Variants in CDC42BPA observed in about 807,000 individuals in gnomAD.
The protein encoded by CDC42BPA is serine/threonine-protein kinase MRCK alpha.
Under a neutral mutation model 223.5 loss-of-function variants are expected in CDC42BPA, and 80 were observed. The observed-to-expected ratio is 0.36, with a 90% CI of 0.30 to 0.43. CDC42BPA has a LOEUF of 0.43. Among genes scored for constraint, CDC42BPA ranks in the 20% least tolerant of loss-of-function variants. The pLI, the probability that CDC42BPA is intolerant of heterozygous loss-of-function variation, is 1.00. For synonymous variants in CDC42BPA, 694 were observed against 718.6 expected (o/e 0.97, Z 0.55); for missense variants, 1,743 against 2,099.9 (o/e 0.83, Z 3.32).
At chr1:227,027,941 C>A (rs1668572917) in intron 30 of CDC42BPA, among the ~76,000 whole-genome samples, 1 of 151,844 alleles carries the variant, frequency 6.6e-6, no homozygotes, top group Non-Finnish European at 1.5e-5. Context: ...ACTAATGAGA[C>A]CATCTCTACA....
intron 24 of CDC42BPA, among the ~76,000 whole-genome samples, chr1:227,039,853 T>C (rs956324495): frequency 4.0e-5 from 4 of 99,100 alleles, no homozygotes; most frequent in African/African-American, 1.2e-4. Context: ...AGGTTAAAAT[T>C]CAATGAATTT....
Position 227,034,718 on chromosome 1 carries a change from T to C in CDC42BPA, c.3413A>G (p.Tyr1138Cys), listed in dbSNP as rs780700909. ...AGATGCTTTTCCTTCAGCAATATCG[T>C]ACAGAAAGAGTTTGAAGTCACACAC... ...AIVCDFKLFL[Y>C]DIAEGKASQP... The change falls in exon 26 of 37, where the codon TAC becomes TGC. Residue 1138 changes from tyrosine (Y) to cysteine (C), a missense_variant. By Grantham distance (194) the Tyr-to-Cys change is radical (BLOSUM62 -2). Coordinates refer to ENST00000366766, the MANE Select transcript of CDC42BPA (RefSeq NM_001394014.1). The C allele has an allele frequency of 3.1e-6, 5 of 1,613,858 alleles. No homozygotes were observed. The highest frequency in any genetic ancestry group is 4.2e-6 in the Non-Finnish European group (5 of 1,179,808).
chr1:227,160,702 CT>C, intron 5 of CDC42BPA, 66 bp from the exon 6 acceptor site: 1 of 882,466 alleles, frequency 1.1e-6, no homozygotes, highest in Non-Finnish European at 1.8e-6. Flanking sequence ...GTAAGATATT[CT>C]TTTTGTCAGA....
At chr1:226,997,384 T>C (rs1387088343) in intron 35 of CDC42BPA, among the ~76,000 whole-genome samples, 1 of 152,184 alleles carries the variant, frequency 6.6e-6, no homozygotes, top group African/African-American at 2.4e-5. Context: ...ATTTTGTTAA[T>C]CTTTTCAAAA....
At chr1:227,034,915 AT>A (rs1354197490) in intron 25 of CDC42BPA, 121 bp from the exon 26 acceptor site, 1 of 845,878 alleles carries the variant, frequency 1.2e-6, no homozygotes, top group Non-Finnish European at 1.7e-6. Context: ...TAAGTCTGCC[AT>A]TCTGGTTGGT....
At chr1:227,310,433 T>C (rs1020601178) in intron 1 of CDC42BPA, among the ~76,000 whole-genome samples, 54 of 151,994 alleles carry the variant, frequency 3.6e-4, no homozygotes, top group African/African-American at 8.9e-4. Flanking sequence ...AACAGTGGGA[T>C]TGGAAAGGGG....
intron 22 of CDC42BPA, 44 bp from the exon 23 acceptor site, chr1:227,048,054 C>A: frequency 1.7e-6 from 2 of 1,143,178 alleles, no homozygotes; most frequent in South Asian, 1.5e-5. Flanking sequence ...ATGAAACACT[C>A]CATTAATTTC....
chr1:227,229,687 GT>G (rs1472428435), intron 2 of CDC42BPA, among the ~76,000 whole-genome samples: 6 of 152,116 alleles, frequency 3.9e-5, no homozygotes, highest in Non-Finnish European at 7.4e-5. Context: ...ATATCTTCTG[GT>G]TTTTGCCTTC....
At position 227,069,779 on chromosome 1, in the gene CDC42BPA, C is replaced by T. The variant is rs1467259218; in HGVS notation, c.2902G>A (p.Glu968Lys). The change falls in exon 21 of 37, where the codon GAA becomes AAA. Residue 968 changes from glutamate to lysine, a missense_variant and splice_region_variant. By Grantham distance (56) the Glu-to-Lys change is moderately conservative. This residue lies in a region of CDC42BPA where 678 missense variants were observed against 777.5 expected (regional missense o/e 0.87). Coordinates refer to ENST00000366766, the MANE Select transcript of CDC42BPA (RefSeq NM_001394014.1). ...NTPTDALDQF[E>K]TDPVENTYVW... ...TATGTGACATGTTTAATACTTACTT[C>T]AAATTGATCCAGAGCATCGGTAGGC... 1.0e-5 allele frequency: 16 copies of T among 1,603,474 alleles called. No individual in the cohort carries two copies. The highest frequency in any genetic ancestry group is 2.7e-5 in the African/African-American group (2 of 74,576).
At chr1:227,031,568 T>G in intron 27 of CDC42BPA, 54 bp from the exon 28 acceptor site, 1 of 1,402,842 alleles carries the variant, frequency 7.1e-7, no homozygotes, top group South Asian at 1.2e-5. Context: ...CCCTTTATGC[T>G]AGTTTCATGA....
chr1:227,027,925 T>C (rs1668569922), intron 30 of CDC42BPA, among the ~76,000 whole-genome samples: 1 of 152,084 alleles, frequency 6.6e-6, no homozygotes, highest in Non-Finnish European at 1.5e-5. Context: ...GAGACCAGCC[T>C]GAACAACTAA....
intron 1 of CDC42BPA, among the ~76,000 whole-genome samples, chr1:227,291,842 A>C (rs1166750388): frequency 7.0e-6 from 1 of 143,426 alleles, no homozygotes; most frequent in Non-Finnish European, 1.5e-5. Flanking sequence ...TCCAATACTG[A>C]AGTTAAGACA....
intron 1 of CDC42BPA, among the ~76,000 whole-genome samples, chr1:227,267,556 G>C (rs1188999843): frequency 6.6e-6 from 1 of 152,184 alleles, no homozygotes; most frequent in African/African-American, 2.4e-5. Context: ...CGATTTTCCA[G>C]TGTATTAGTC....
At chr1:227,295,846 A>T (rs1471125146) in intron 1 of CDC42BPA, among the ~76,000 whole-genome samples, 2 of 152,190 alleles carry the variant, frequency 1.3e-5, no homozygotes, top group Non-Finnish European at 2.9e-5. Flanking sequence ...CCTTCCTTTT[A>T]ATGAAGCTTC....
chr1:227,175,558 A>G (rs1666809431), intron 5 of CDC42BPA, among the ~76,000 whole-genome samples: 1 of 152,152 alleles, frequency 6.6e-6, no homozygotes, highest in South Asian at 2.1e-4. Context: ...TTCATCTCCA[A>G]GGCACTGAGG....
chr1:227,306,166 T>C (rs922628531), intron 1 of CDC42BPA, among the ~76,000 whole-genome samples: 1 of 145,832 alleles, frequency 6.9e-6, no homozygotes, highest in Non-Finnish European at 1.5e-5. Flanking sequence ...TGCTTCCTTC[T>C]ACAAAGGTCT....
chr1:227,247,154 C>T (rs1032774393), intron 2 of CDC42BPA, among the ~76,000 whole-genome samples: 37 of 151,896 alleles, frequency 2.4e-4, no homozygotes, highest in African/African-American at 8.0e-4. Context: ...GAGCCAAGAT[C>T]GTGTCACTGC....
chr1:227,255,709 C>T (rs1682927733), intron 1 of CDC42BPA, among the ~76,000 whole-genome samples: 1 of 152,000 alleles, frequency 6.6e-6, no homozygotes, highest in Non-Finnish European at 1.5e-5. Context: ...GCAACAGCAT[C>T]CAAAAGAATA....
chr1:227,199,568 C>A lies in CDC42BPA; in HGVS notation c.439G>T (p.Asp147Tyr). Residue 147 changes from aspartate (D) to tyrosine (Y), a missense_variant, in exon 4 of 37, where the codon GAC becomes TAC. Physicochemically the swap from Asp to Tyr is radical, Grantham distance 160 (BLOSUM62 -3). Transcript: ENST00000366766. Reference protein sequence around the residue: ...ITTLHYAFQDDNNLYLVMDYY... With the variant: ...ITTLHYAFQDYNNLYLVMDYY... Reference sequence around the variant, plus strand: ...AAAATGATTCTTACTAAGTTATTGTCATCCTGGAAAGCATAGTGCAAGGTT... The same window carrying A: ...AAAATGATTCTTACTAAGTTATTGTAATCCTGGAAAGCATAGTGCAAGGTT... The A allele has an allele frequency of 6.4e-7, 1 of 1,560,486 alleles. No individual in the cohort carries two copies. The highest frequency in any genetic ancestry group is 1.1e-5 in the South Asian group (1 of 88,512).
Sources: gnomAD v4.1 joint callset for allele counts (sites outside exome capture counted in the v4.1 genomes callset) on GRCh38, gnomAD v4.1.1 for gene constraint, gnomAD v4.1.1 regional missense constraint, MANE v1.5 for transcripts, NCBI Gene and HGNC (gene_info 2026-07-23, HGNC 2026-07-21) for gene names.